NSUN6: variants seen among roughly 807,000 people sequenced by gnomAD.
NSUN6 encodes the protein tRNA (cytosine(72)-C(5))-methyltransferase NSUN6.
NSUN6 carries 64 observed loss-of-function variants against 58.0 expected under a neutral mutation model. That is an observed-to-expected ratio of 1.10 (90% CI 0.90 to 1.36). The LOEUF (loss-of-function observed/expected upper bound fraction) is 1.36, where lower values mean the gene tolerates loss of function less well. Among genes scored for constraint, NSUN6 ranks in the 40% most tolerant of loss-of-function variants. NSUN6 has a pLI of 0.00. For synonymous variants in NSUN6, 231 were observed against 193.9 expected (o/e 1.19, Z -1.59); for missense variants, 701 against 550.1 (o/e 1.27, Z -2.74).
intron 3 of NSUN6, among the ~76,000 whole-genome samples, chr10:18,633,918 C>G (rs1179103939): frequency 6.6e-6 from 1 of 152,192 alleles, no homozygotes; most frequent in Admixed American, 6.5e-5. Flanking sequence ...CACAGAGACC[C>G]TCGGCTCTGC....
Position 18,636,359 on chromosome 10 carries a change from A to T in NSUN6, c.311+6117T>A, listed in dbSNP as rs1480061638. ...ACATGATATAAAGCTTGACAATGTT[A>T]AAAAAAAAAAAAAAAAACTGGCCGG... On this transcript the variant is annotated intron_variant, in intron 3 of 10. Coordinates refer to ENST00000377304, the MANE Select transcript of NSUN6 (RefSeq NM_182543.5). 3.6e-5 allele frequency among the ~76,000 whole-genome samples: 4 copies of T among 110,908 alleles called. No homozygotes were observed. The East Asian group carries it at 8.4e-4, about 23-fold the overall frequency. The allele number at this position is 110,908 out of a possible 152,430, so 72.8% of individuals were successfully genotyped here.
chr10:18,652,002 T>C (rs2059718657), upstream of NSUN6: 1 of 985,322 alleles, frequency 1.0e-6, no homozygotes, highest in Non-Finnish European at 1.2e-6. Flanking sequence ...TTTGATTTCA[T>C]GACATGATTT....
chr10:18,563,893 C>T (rs1589870131), intron 8 of NSUN6, among the ~76,000 whole-genome samples: 2 of 151,042 alleles, frequency 1.3e-5, no homozygotes, highest in African/African-American at 4.9e-5. Flanking sequence ...CATTCCATTC[C>T]ATCCTCCATT....
chr10:18,632,771 G>A (rs1165958681), intron 3 of NSUN6, among the ~76,000 whole-genome samples: 1 of 152,164 alleles, frequency 6.6e-6, no homozygotes, highest in South Asian at 2.1e-4. Context: ...TGCTGGAGAG[G>A]ATGTGGAGAA....
intron 8 of NSUN6, among the ~76,000 whole-genome samples, chr10:18,558,880 T>C (rs1001819502): frequency 1.2e-4 from 17 of 143,974 alleles, no homozygotes; most frequent in African/African-American, 4.2e-4. Context: ...TGGAATGAAA[T>C]GCAATGGTGA....
intron 8 of NSUN6, among the ~76,000 whole-genome samples, chr10:18,573,972 C>A: frequency 6.6e-6 from 1 of 152,158 alleles, no homozygotes; most frequent in South Asian, 2.1e-4. Context: ...ATCCTGTGGA[C>A]TTCTGAGGAA....
At chr10:18,637,581 C>A (rs2059260322) in intron 3 of NSUN6, among the ~76,000 whole-genome samples, 2 of 152,176 alleles carry the variant, frequency 1.3e-5, no homozygotes, top group South Asian at 4.1e-4. Flanking sequence ...GGTAATATGT[C>A]TCCAACTAAA....
intron 6 of NSUN6, among the ~76,000 whole-genome samples, chr10:18,604,934 G>A (rs1310135861): frequency 2.0e-5 from 3 of 149,830 alleles, no homozygotes; most frequent in Non-Finnish European, 3.0e-5. Flanking sequence ...CACCCAGGCT[G>A]GAGTGCAGTG....
upstream of NSUN6, among the ~76,000 whole-genome samples, chr10:18,656,046 C>T (rs10829139): frequency 0.56 from 85,441 of 151,998 alleles, 24,557 homozygotes; most frequent in East Asian, 0.97. Context: ...TTTATCAATA[C>T]ACTTTTCGTA....
At chr10:18,603,715 G>A (rs560898235) in intron 6 of NSUN6, among the ~76,000 whole-genome samples, 1 of 152,112 alleles carries the variant, frequency 6.6e-6, no homozygotes, top group Non-Finnish European at 1.5e-5. Flanking sequence ...GACCTCAGGT[G>A]ATCCGCCCAC....
chr10:18,600,946 A>ATATATATATGTATACATATATATATATG (rs1564784823), intron 6 of NSUN6, among the ~76,000 whole-genome samples: 1 of 91,912 alleles, frequency 1.1e-5, no homozygotes, highest in Non-Finnish European at 2.1e-5. Context: ...AAAAAAATAT[A>ATATATATATGTATACATATATATATATG]TATATATATA....
intron 4 of NSUN6, among the ~76,000 whole-genome samples, chr10:18,615,559 A>G (rs1161247462): frequency 6.6e-6 from 1 of 152,234 alleles, no homozygotes; most frequent in Non-Finnish European, 1.5e-5. Flanking sequence ...CTTATGGGCC[A>G]CACATAAACA....
intron 2 of NSUN6, among the ~76,000 whole-genome samples, chr10:18,643,351 C>G (rs1225397299): frequency 6.6e-6 from 1 of 151,696 alleles, no homozygotes; most frequent in African/African-American, 2.4e-5. Flanking sequence ...GGGCAGCACG[C>G]AAATATCTGA....
At chr10:18,644,513 T>TTC (rs2059482834) in intron 2 of NSUN6, among the ~76,000 whole-genome samples, 1 of 151,146 alleles carries the variant, frequency 6.6e-6, no homozygotes, top group Non-Finnish European at 1.5e-5. Flanking sequence ...TTTTTTTTTT[T>TTC]ACTGTTAAGT....
intron 3 of NSUN6, among the ~76,000 whole-genome samples, chr10:18,640,867 A>C (rs796672203): frequency 6.6e-5 from 10 of 152,092 alleles, no homozygotes; most frequent in African/African-American, 1.7e-4. Flanking sequence ...GTAAAAAAAA[A>C]AAAAACAAAA....
At chr10:18,600,995 A>C (rs1338618217) in intron 6 of NSUN6, among the ~76,000 whole-genome samples, 1 of 86,630 alleles carries the variant, frequency 1.2e-5, no homozygotes, top group East Asian at 3.8e-4. Context: ...TATATATATT[A>C]TATACTAGCT....
At chr10:18,637,077 C>T (rs1480019185) in intron 3 of NSUN6, among the ~76,000 whole-genome samples, 1 of 151,286 alleles carries the variant, frequency 6.6e-6, no homozygotes, top group Non-Finnish European at 1.5e-5. Context: ...AGTCTCCTTC[C>T]TCAGCCTCCC....
At chr10:18,627,146 T>A (rs2058840189) in intron 3 of NSUN6, among the ~76,000 whole-genome samples, 2 of 152,184 alleles carry the variant, frequency 1.3e-5, no homozygotes, top group South Asian at 4.1e-4. Context: ...GAAATTAAAA[T>A]ATATTTCACC....
At chr10:18,553,492 T>G (rs138703295) in intron 8 of NSUN6, among the ~76,000 whole-genome samples, 1 of 140,458 alleles carries the variant, frequency 7.1e-6, no homozygotes, top group African/African-American at 2.5e-5. Flanking sequence ...TGGAATGGAA[T>G]GGAGAATGGA....
Sources: allele counts gnomAD v4.1 joint callset (sites outside exome capture counted in the v4.1 genomes callset), GRCh38; gene constraint gnomAD v4.1.1; transcripts MANE v1.5; gene names NCBI Gene and HGNC (gene_info 2026-07-23, HGNC 2026-07-21).